Variants in ANTXR2 observed in about 807,000 individuals in gnomAD.
The protein encoded by ANTXR2 is anthrax toxin receptor 2.
ANTXR2 carries 44 observed loss-of-function variants against 73.7 expected under a neutral mutation model. The ratio of observed to expected loss-of-function variants is 0.60; its 90% CI spans 0.47 to 0.77. ANTXR2 has a LOEUF of 0.77. Ranked by LOEUF, ANTXR2 falls within the 30% of genes least tolerant of loss-of-function variation. ANTXR2 has a pLI of 0.00. For missense variants in ANTXR2, 604 were observed against 592.5 expected, an observed-to-expected ratio of 1.02 and a Z score of -0.20; for synonymous variants, 217 against 205.9, an observed-to-expected ratio of 1.05 and a Z score of -0.46.
intron 7 of ANTXR2, among the ~76,000 whole-genome samples, chr4:80,053,564 A>C (rs1226865494): frequency 6.6e-6 from 1 of 151,686 alleles, no homozygotes; most frequent in Non-Finnish European, 1.5e-5. Flanking sequence ...TATATTATTC[A>C]CTTCCATTTT....
chr4:79,906,231 T>A lies in ANTXR2; in HGVS notation c.*1198A>T, dbSNP rs1348219401. On this transcript the variant is annotated 3_prime_UTR_variant, in exon 17 of 17. Coordinates refer to ENST00000403729, the MANE Select transcript of ANTXR2 (RefSeq NM_058172.6). Reference sequence around the variant, plus strand: ...TTGTGATAGCGACCCTCCAGAAGATTTAATTTGTAAATTGAAGAAAGGTGG... The same window carrying A: ...TTGTGATAGCGACCCTCCAGAAGATATAATTTGTAAATTGAAGAAAGGTGG... 6.6e-6 allele frequency: 1 copy of A among 152,552 alleles called. No homozygotes were observed. The highest frequency in any genetic ancestry group is 1.5e-5 in the Non-Finnish European group (1 of 68,012). The allele number at this position is 152,552 out of a possible 1,614,324, so 9.4% of individuals were successfully genotyped here. A position where few individuals can be genotyped will look rare whatever the true frequency, so the allele number is the denominator to read the frequency against.
chr4:79,909,489 ATTAT>A (rs745540381), intron 16 of ANTXR2, among the ~76,000 whole-genome samples: 6 of 152,090 alleles, frequency 3.9e-5, no homozygotes, highest in Non-Finnish European at 7.4e-5. Flanking sequence ...CCAGACCTAA[ATTAT>A]TTATTTCATT....
intron 7 of ANTXR2, among the ~76,000 whole-genome samples, chr4:80,041,644 G>A (rs1733254862): frequency 6.6e-6 from 1 of 151,794 alleles, no homozygotes; most frequent in South Asian, 2.1e-4. Flanking sequence ...ACAGGCCCCA[G>A]TGTGTCTTGT....
At chr4:80,037,492 G>A (rs1045840681) in intron 7 of ANTXR2, among the ~76,000 whole-genome samples, 6 of 152,030 alleles carry the variant, frequency 3.9e-5, no homozygotes, top group Non-Finnish European at 7.4e-5. Context: ...AACAAACCTC[G>A]TAAAATTTTA....
chr4:79,909,391 A>G (rs1476420226), intron 16 of ANTXR2, among the ~76,000 whole-genome samples: 1 of 152,176 alleles, frequency 6.6e-6, no homozygotes, highest in African/African-American at 2.4e-5. Context: ...TGGTTAGTAG[A>G]GTGTTAACTT....
At chr4:79,966,116 G>C (rs1403574733) in intron 16 of ANTXR2, among the ~76,000 whole-genome samples, 1 of 86,352 alleles carries the variant, frequency 1.2e-5, no homozygotes, top group Non-Finnish European at 2.2e-5. Flanking sequence ...GAATGATTAT[G>C]CTAGGACTTA....
At chr4:79,986,192 G>T (rs1005252392) in intron 12 of ANTXR2, among the ~76,000 whole-genome samples, 2 of 152,034 alleles carry the variant, frequency 1.3e-5, no homozygotes. Context: ...TCACACCATC[G>T]TGATGGAAAA....
intron 16 of ANTXR2, 38 bp downstream of exon 16, chr4:79,977,583 G>A (rs761226371): frequency 2.8e-5 from 43 of 1,553,450 alleles, no homozygotes; most frequent in Middle Eastern, 1.7e-4. Flanking sequence ...ACTGACTCAA[G>A]CAGTTAGCTC....
At chr4:80,071,894 G>A (rs1165069663) in intron 1 of ANTXR2, among the ~76,000 whole-genome samples, 1 of 152,050 alleles carries the variant, frequency 6.6e-6, no homozygotes, top group Non-Finnish European at 1.5e-5. Flanking sequence ...TCTGGGGTGG[G>A]TAAATACCTG....
chr4:80,045,814 T>A (rs1164293511), intron 7 of ANTXR2, among the ~76,000 whole-genome samples: 15 of 151,780 alleles, frequency 9.9e-5, no homozygotes, highest in Non-Finnish European at 5.9e-5. Flanking sequence ...CTTTTAATAT[T>A]CAGATGTGTG....
chr4:80,001,777 T>C (rs1731053183), intron 12 of ANTXR2, among the ~76,000 whole-genome samples: 1 of 151,606 alleles, frequency 6.6e-6, no homozygotes, highest in Non-Finnish European at 1.5e-5. Flanking sequence ...CTCTTCCTGT[T>C]GAATTGATCC....
intron 12 of ANTXR2, among the ~76,000 whole-genome samples, chr4:79,990,053 TC>T (rs1326435966): frequency 6.6e-6 from 1 of 151,934 alleles, no homozygotes; most frequent in Non-Finnish European, 1.5e-5. Context: ...TGGAAGCATT[TC>T]TCTTAAGAAA....
chr4:80,048,450 C>A (rs944823027), intron 7 of ANTXR2, among the ~76,000 whole-genome samples: 12 of 151,642 alleles, frequency 7.9e-5, no homozygotes, highest in Admixed American at 7.3e-4. Context: ...TCCTTTTTAA[C>A]AGGAGTCCTG....
At chr4:80,050,030 C>T (rs911342828) in intron 7 of ANTXR2, among the ~76,000 whole-genome samples, 74 of 151,638 alleles carry the variant, frequency 4.9e-4, no homozygotes, top group African/African-American at 1.6e-3. Context: ...AGTTCCATTG[C>T]GAAAGACAGA....
chr4:79,953,033 C>T (rs1043406784), intron 16 of ANTXR2, among the ~76,000 whole-genome samples: 1 of 152,004 alleles, frequency 6.6e-6, no homozygotes, highest in Non-Finnish European at 1.5e-5. Flanking sequence ...ACCCTTGGCC[C>T]CTCCATGTGA....
At chr4:80,037,920 T>C (rs1733056171) in intron 7 of ANTXR2, among the ~76,000 whole-genome samples, 1 of 152,106 alleles carries the variant, frequency 6.6e-6, no homozygotes, top group Non-Finnish European at 1.5e-5. Flanking sequence ...CCCCCAAATC[T>C]ATTTTGTCTG....
intron 11 of ANTXR2, among the ~76,000 whole-genome samples, 193 bp downstream of exon 11, chr4:80,018,705 T>C (rs1731999129): frequency 6.6e-6 from 1 of 152,130 alleles, no homozygotes; most frequent in Admixed American, 6.6e-5. Flanking sequence ...AAAGTTCCTA[T>C]AAAAGGGAGC....
intron 12 of ANTXR2, among the ~76,000 whole-genome samples, chr4:79,993,789 C>T (rs1373652807): frequency 1.3e-5 from 2 of 151,500 alleles, no homozygotes; most frequent in Non-Finnish European, 3.0e-5. Flanking sequence ...CACACATGCA[C>T]TTTTTCTTTC....
At chr4:79,946,051 G>A (rs1185519444) in intron 16 of ANTXR2, among the ~76,000 whole-genome samples, 1 of 152,034 alleles carries the variant, frequency 6.6e-6, no homozygotes, top group Non-Finnish European at 1.5e-5. Context: ...AACCTTCCAA[G>A]TTTTAGTCAC....
Sources: gnomAD v4.1 joint callset for allele counts (sites outside exome capture counted in the v4.1 genomes callset) on GRCh38, gnomAD v4.1.1 for gene constraint, MANE v1.5 for transcripts, NCBI Gene and HGNC (gene_info 2026-07-23, HGNC 2026-07-21) for gene names.